The following PLK4 variants were observed in gnomAD, a reference collection of about 807,000 sequenced individuals.
PLK4 encodes serine/threonine-protein kinase PLK4.
Under a neutral mutation model 103.0 loss-of-function variants are expected in PLK4, and 51 were observed. The ratio of observed to expected loss-of-function variants is 0.50; its 90% CI spans 0.40 to 0.63. The LOEUF (loss-of-function observed/expected upper bound fraction) is 0.63, where lower values mean the gene tolerates loss of function less well. PLK4 is among the 20% of genes least tolerant of loss of function. PLK4 has a pLI of 0.00. For missense variants in PLK4, 1,054 were observed against 1,151.0 expected (o/e 0.92, Z 1.22); for synonymous variants, 389 against 376.8 (o/e 1.03, Z -0.38).
chr4:127,882,866 A>C (rs568782353), intron 2 of PLK4, among the ~76,000 whole-genome samples: 1 of 152,144 alleles, frequency 6.6e-6, no homozygotes, highest in South Asian at 2.1e-4. Flanking sequence ...GCTGCAGTGA[A>C]CTGTGATCAT....
At chr4:127,890,838 C>T (rs1037474571) in intron 7 of PLK4, among the ~76,000 whole-genome samples, 1 of 151,988 alleles carries the variant, frequency 6.6e-6, no homozygotes, top group African/African-American at 2.4e-5. Context: ...CCTTATTCTC[C>T]ACTCTACCTT....
rs1460670646 is a variant in PLK4 at position 127,881,139 on chromosome 4, C to T, written c.5C>T (p.Ala2Val). M[A>V]TCIGEKIEDF... is the part of the protein sequence containing the mutation. ...CCCAGGCCAGAGCCTGGAAATATGG[C>T]GACCTGCATCGGGGAGAAGATCGAG... The change falls in exon 1 of 16, where the codon GCG (alanine) becomes GTG (valine). Residue 2 changes from alanine to valine, a missense_variant. Physicochemically the swap from Ala to Val is moderately conservative, Grantham distance 64 (BLOSUM62 0). Transcript: ENST00000270861. 6.2e-7 allele frequency: 1 copy of T among 1,613,930 alleles called. No individual in the cohort carries two copies. Among genetic ancestry groups the T allele is most frequent in the African/African-American group, 1.3e-5 (1 of 75,046 alleles).
Position 127,884,629 on chromosome 4 carries a change from C to T in PLK4, c.337+1076C>T, listed in dbSNP as rs897422011. Among the ~76,000 whole-genome samples the T allele has an allele frequency of 2.6e-5, 4 of 152,102 alleles. No individual in the cohort carries two copies. The South Asian group carries it at 6.2e-4, about 24-fold the overall frequency. On this transcript the variant is annotated intron_variant, in intron 4 of 15. Transcript: ENST00000270861. ...GACCAGCCTGGCCAATATGGTAAAA[C>T]CCCATCTCTACTAAAAATGCAAAAA...
At chr4:127,885,496 A>T (rs1317345626) in intron 4 of PLK4, among the ~76,000 whole-genome samples, 1 of 151,676 alleles carries the variant, frequency 6.6e-6, no homozygotes, top group Non-Finnish European at 1.5e-5. Flanking sequence ...AAAAAAAAAA[A>T]AAAGGTTAAT....
rs755898529 is a variant in PLK4 at position 127,896,924 on chromosome 4, C to T, written c.2810+17C>T. ...AACAACTAGGTAAGTTCTTAAAATA[C>T]TGGTCGAGATTCAGCCCTTTGCTAT... On this transcript the variant is annotated intron_variant, in intron 15 of 15. Coordinates refer to ENST00000270861, the MANE Select transcript of PLK4 (RefSeq NM_014264.5). 9.8e-6 allele frequency: 13 copies of T among 1,328,774 alleles called. No homozygotes were observed. The highest frequency in any genetic ancestry group is 1.4e-5 in the African/African-American group (1 of 69,374). The allele number at this position is 1,328,774 out of a possible 1,614,324, so 82.3% of individuals were successfully genotyped here. A position where few individuals can be genotyped will look rare whatever the true frequency, so the allele number is the denominator to read the frequency against.
chr4:127,887,871 CAAAAAAAAA>C, intron 6 of PLK4, among the ~76,000 whole-genome samples: 1 of 40,390 alleles, frequency 2.5e-5, no homozygotes, highest in East Asian at 6.3e-4. Flanking sequence ...GAGACCCTGT[CAAAAAAAAA>C]AAAAAAAAAA....
At chr4:127,881,339 C>T (rs1221003222) in intron 1 of PLK4, 175 bp downstream of exon 1, 8 of 1,462,850 alleles carry the variant, frequency 5.5e-6, no homozygotes, top group Non-Finnish European at 6.3e-6. Flanking sequence ...CGGCCCGCCC[C>T]TCAAGAGACA....
chr4:127,885,747 A>G lies in PLK4; in HGVS notation c.377A>G (p.Tyr126Cys). The G allele has an allele frequency of 6.2e-7, 1 of 1,613,004 alleles. No homozygotes were observed. Among genetic ancestry groups the G allele is most frequent in the Non-Finnish European group, 8.5e-7 (1 of 1,179,210 alleles). ...CACCAGATCATCACAGGGATGTTGT[A>G]TCTTCATTCTCATGGTATACTACAC... ...FMHQIITGML[Y>C]LHSHGILHRD... Residue 126 changes from tyrosine (Y) to cysteine (C), a missense_variant, in exon 5 of 16, where the codon TAT becomes TGT. Physicochemically the swap from Tyr to Cys is radical, Grantham distance 194. Around this residue, in one of 4 missense-constraint regions of PLK4, gnomAD observed 199 missense variants for 270.1 expected, o/e 0.74. Coordinates refer to ENST00000270861, the MANE Select transcript of PLK4 (RefSeq NM_014264.5).
Position 127,898,640 on chromosome 4 carries a change from C to A in PLK4, c.*99C>A. On this transcript the variant is annotated 3_prime_UTR_variant, in exon 16 of 16. Coordinates refer to ENST00000270861, the MANE Select transcript of PLK4 (RefSeq NM_014264.5). Reference sequence around the variant, plus strand: ...AATTTAACATAAAGTCTTCAGAAAGCCTTTCTATGAAAGAATTTTAACCTA... The same window carrying A: ...AATTTAACATAAAGTCTTCAGAAAGACTTTCTATGAAAGAATTTTAACCTA... 1 of 633,856 alleles carries A rather than the reference C, an allele frequency of 1.6e-6. No individual in the cohort carries two copies. Among genetic ancestry groups the A allele is most frequent in the South Asian group, 2.0e-5 (1 of 48,830 alleles). 39.3% of individuals were successfully genotyped at this position (633,856 alleles called of 1,614,324 possible). A position where few individuals can be genotyped will look rare whatever the true frequency, so the allele number is the denominator to read the frequency against.
chr4:127,892,538 A>AT, intron 10 of PLK4, 24 bp downstream of exon 10: 3 of 1,581,178 alleles, frequency 1.9e-6, no homozygotes, highest in Non-Finnish European at 2.6e-6. Context: ...GGAAATGGTA[A>AT]TTTGTTCCTT....
At position 127,886,519 on chromosome 4, in the gene PLK4, CACTTCTAATAGTCAGTCTCA is replaced by C. The variant is rs1560694076; in HGVS notation, c.1151_1170del (p.Thr384SerfsTer25). ...GAGCTTATTCCTCTGATAGATCTGG[CACTTCTAATAGTCAGTCTCA>C]AGCAAAAACATATACAATGGAACGA... On this transcript the variant is annotated frameshift_variant, in exon 5 of 16. Coordinates refer to ENST00000270861, the MANE Select transcript of PLK4 (RefSeq NM_014264.5). LOFTEE classifies it high-confidence loss of function. 1 of 1,613,748 alleles carries C rather than the reference CACTTCTAATAGTCAGTCTCA, an allele frequency of 6.2e-7. No homozygotes were observed. Among genetic ancestry groups the C allele is most frequent in the South Asian group, 1.1e-5 (1 of 91,074 alleles).
At chr4:127,895,863 A>G (rs1344299251) in intron 14 of PLK4, among the ~76,000 whole-genome samples, 1 of 152,198 alleles carries the variant, frequency 6.6e-6, no homozygotes, top group Non-Finnish European at 1.5e-5. Context: ...CAGGAGTTTG[A>G]GGCCAGCCTG....
At chr4:127,883,587 G>A (rs1382946137) in intron 4 of PLK4, 34 bp downstream of exon 4, 2 of 940,706 alleles carry the variant, frequency 2.1e-6, no homozygotes, top group East Asian at 4.8e-5. Flanking sequence ...TGTTTTGTTT[G>A]GGTGGATAAA....
At chr4:127,897,819 T>G (rs1735623906) in intron 15 of PLK4, among the ~76,000 whole-genome samples, 1 of 134,438 alleles carries the variant, frequency 7.4e-6, no homozygotes, top group African/African-American at 2.7e-5. Flanking sequence ...TCTGTAGAAT[T>G]AGGGCTTTTT....
chr4:127,885,312 T>C (rs746958038), intron 4 of PLK4, among the ~76,000 whole-genome samples: 12 of 151,604 alleles, frequency 7.9e-5, no homozygotes, highest in Non-Finnish European at 1.5e-4. Context: ...ACCCTGTCTC[T>C]ACTAAAAACA....
intron 4 of PLK4, among the ~76,000 whole-genome samples, chr4:127,885,249 G>A (rs1186304849): frequency 3.3e-5 from 5 of 152,054 alleles, no homozygotes; most frequent in Non-Finnish European, 7.4e-5. Flanking sequence ...GGAGGCCGAG[G>A]TGGGTGGATC....
chr4:127,893,365 G>A lies in PLK4; in HGVS notation c.2269G>A (p.Glu757Lys), dbSNP rs1466975942. Residue 757 changes from glutamate to lysine, a missense_variant, in exon 11 of 16, where the codon GAA becomes AAA. Physicochemically the swap from Glu to Lys is moderately conservative, Grantham distance 56 (BLOSUM62 1). Transcript: ENST00000270861. ...GKSYTLKSES[E>K]VNSLKEEIKM... ...GTCTTACACTTTAAAAAGTGAAAGT[G>A]AAGTTAATAGCTTGAAAGAGGAGAT... 4 of 1,606,122 alleles carry A rather than the reference G, an allele frequency of 2.5e-6. No homozygotes were observed. The Admixed American group carries it at 6.7e-5, about 27-fold the overall frequency.
chr4:127,884,176 T>C (rs1236897623), intron 4 of PLK4, among the ~76,000 whole-genome samples: 1 of 152,222 alleles, frequency 6.6e-6, no homozygotes, highest in Non-Finnish European at 1.5e-5. Flanking sequence ...TCAGACTTCC[T>C]CAATTTCTCA....
In PLK4 at chr4:127,891,191, A is replaced by C; in HGVS notation, c.1930A>C (p.Asn644His). ...AGTTCTTCAGATATCTAGTGATGGA[A>C]ATACGGTAATGTGTAGTTACTTTAT... ...KEVLQISSDGNTITIYYPNGG... is the reference protein window; with the variant it reads ...KEVLQISSDGHTITIYYPNGG... Residue 644 changes from asparagine to histidine, a missense_variant, in exon 8 of 16, where the codon AAT becomes CAT. Transcript: ENST00000270861. The C allele has an allele frequency of 6.9e-7, 1 of 1,456,106 alleles. No homozygotes were observed. The highest frequency in any genetic ancestry group is 9.6e-7 in the Non-Finnish European group (1 of 1,043,404). The allele number at this position is 1,456,106 out of a possible 1,614,324, so 90.2% of individuals were successfully genotyped here.
Sources: allele counts gnomAD v4.1 joint callset (sites outside exome capture counted in the v4.1 genomes callset), GRCh38; gene constraint gnomAD v4.1.1; regional missense constraint gnomAD v4.1.1; transcripts MANE v1.5; gene names NCBI Gene and HGNC (gene_info 2026-07-23, HGNC 2026-07-21).